The following MCPH1 variants were observed in gnomAD, a reference collection of about 807,000 sequenced individuals.
The protein encoded by MCPH1 is microcephalin.
A neutral mutation model predicts 84.5 loss-of-function variants in MCPH1; 104 were observed. The observed-to-expected ratio is 1.23, with a 90% CI of 1.05 to 1.45. The LOEUF is 1.45. Among genes scored for constraint, MCPH1 ranks in the 40% most tolerant of loss-of-function variants. The pLI is 0.00. For missense variants in MCPH1, 1,498 were observed against 1,005.7 expected, an observed-to-expected ratio of 1.49 and a Z score of -6.62; for synonymous variants, 514 against 366.8, an observed-to-expected ratio of 1.40 and a Z score of -4.58.
chr8:6,565,803 CAAAG>C (rs1477087798), intron 12 of MCPH1, among the ~76,000 whole-genome samples: 1 of 152,200 alleles, frequency 6.6e-6, no homozygotes, highest in Non-Finnish European at 1.5e-5. Context: ...AGTCGGAGCA[CAAAG>C]AAAGACAGTG....
At chr8:6,562,742 C>G in intron 12 of MCPH1, 1 of 1,613,846 alleles carries the variant, frequency 6.2e-7, no homozygotes, top group Non-Finnish European at 8.5e-7. Flanking sequence ...TCCCTCTGCA[C>G]AGCATTGGAC....
chr8:6,471,151 T>G (rs565631712), intron 9 of MCPH1, among the ~76,000 whole-genome samples: 1 of 152,284 alleles, frequency 6.6e-6, no homozygotes, highest in African/African-American at 2.4e-5. Context: ...TGCTCACCTG[T>G]AAGGCTGAGA....
chr8:6,556,619 AT>A (rs149416791), intron 12 of MCPH1, among the ~76,000 whole-genome samples: 19,990 of 149,800 alleles, frequency 0.13, 3,643 homozygotes, highest in African/African-American at 0.42. Context: ...GTCTTTTTTT[AT>A]TTTTTTTTCA....
intron 9 of MCPH1, among the ~76,000 whole-genome samples, chr8:6,457,286 G>C (rs1805788945): frequency 6.6e-6 from 1 of 151,680 alleles, no homozygotes; most frequent in African/African-American, 2.4e-5. Flanking sequence ...ATCACTCAAA[G>C]CAGGTTTTAA....
intron 8 of MCPH1, among the ~76,000 whole-genome samples, chr8:6,454,935 G>A (rs886305499): frequency 6.6e-6 from 1 of 152,162 alleles, no homozygotes; most frequent in Non-Finnish European, 1.5e-5. Flanking sequence ...GATTGTTACC[G>A]ACCATTGAAT....
chr8:6,639,094 G>A (rs757352084), intron 13 of MCPH1, among the ~76,000 whole-genome samples: 4 of 152,188 alleles, frequency 2.6e-5, no homozygotes, highest in African/African-American at 4.8e-5. Flanking sequence ...TTTAAAGATC[G>A]ATACTTCTGG....
chr8:6,462,399 A>T (rs1484837123), intron 9 of MCPH1, among the ~76,000 whole-genome samples: 1 of 152,252 alleles, frequency 6.6e-6, no homozygotes, highest in African/African-American at 2.4e-5. Context: ...TGAGTAAATA[A>T]GAGATGCATT....
chr8:6,491,811 A>T (rs1810627236), intron 11 of MCPH1, among the ~76,000 whole-genome samples: 1 of 152,118 alleles, frequency 6.6e-6, no homozygotes, highest in Non-Finnish European at 1.5e-5. Flanking sequence ...TGAACTCATC[A>T]TATTTTATGG....
intron 9 of MCPH1, 63 bp from the exon 10 acceptor site, chr8:6,477,531 T>C: frequency 6.9e-7 from 1 of 1,455,064 alleles, no homozygotes; most frequent in Non-Finnish European, 9.6e-7. Flanking sequence ...AGTTTATTTC[T>C]GTGGGAAAAA....
rs1012855511 is a variant in MCPH1 at position 6,550,738 on chromosome 8, C to T, written c.2214+50809C>T. Among the ~76,000 whole-genome samples, 7 of 152,102 alleles carry T rather than the reference C, an allele frequency of 4.6e-5. No homozygotes were observed. The East Asian group carries it at 5.8e-4, about 13-fold the overall frequency. On this transcript the variant is annotated intron_variant, in intron 12 of 13. Transcript: ENST00000344683. ...AGGAAGAAATTTTATCAGAGTTTTGCGGCCTGTGTACGTTCTGATACCTCT... is the reference window on the plus strand; with the variant it reads ...AGGAAGAAATTTTATCAGAGTTTTGTGGCCTGTGTACGTTCTGATACCTCT...
At chr8:6,640,505 T>G (rs1797872916) in intron 13 of MCPH1, among the ~76,000 whole-genome samples, 1 of 152,226 alleles carries the variant, frequency 6.6e-6, no homozygotes, top group South Asian at 2.1e-4. Context: ...ATTCGTGAAT[T>G]ACCTGTCCTG....
At chr8:6,576,047 T>TAAAAAAAAAAAAAAAA (rs1563147297) in intron 12 of MCPH1, among the ~76,000 whole-genome samples, 1 of 138,394 alleles carries the variant, frequency 7.2e-6, no homozygotes. Context: ...TAATACAGCC[T>TAAAAAAAAAAAAAAAA]TAAAAAAAAA....
intron 12 of MCPH1, among the ~76,000 whole-genome samples, chr8:6,538,127 C>G (rs952156648): frequency 6.6e-6 from 1 of 152,062 alleles, no homozygotes. Flanking sequence ...TCCCAATGAT[C>G]CATCCATCTT....
intron 12 of MCPH1, among the ~76,000 whole-genome samples, chr8:6,509,217 A>G (rs1814431915): frequency 6.6e-6 from 1 of 152,254 alleles, no homozygotes; most frequent in Non-Finnish European, 1.5e-5. Context: ...TTGCACTGGT[A>G]TAAACAGGAA....
chr8:6,499,065 AT>A (rs1210493647), intron 11 of MCPH1, among the ~76,000 whole-genome samples: 1 of 126,728 alleles, frequency 7.9e-6, no homozygotes, highest in African/African-American at 2.7e-5. Flanking sequence ...AAATAAATAA[AT>A]TAAATAAATA....
chr8:6,438,825 G>A (rs1803054886), intron 5 of MCPH1, 128 bp from the exon 6 acceptor site: 2 of 771,974 alleles, frequency 2.6e-6, no homozygotes, highest in African/African-American at 1.7e-5. Flanking sequence ...ATATTAGCAG[G>A]AGTAGGTAAT....
At chr8:6,638,582 A>G (rs1440647627) in intron 13 of MCPH1, among the ~76,000 whole-genome samples, 1 of 151,458 alleles carries the variant, frequency 6.6e-6, no homozygotes, top group Non-Finnish European at 1.5e-5. Context: ...TACATTTAAA[A>G]AAAAAAAAAA....
At chr8:6,558,257 A>G (rs574097282) in intron 12 of MCPH1, among the ~76,000 whole-genome samples, 4 of 152,360 alleles carry the variant, frequency 2.6e-5, no homozygotes, top group Admixed American at 2.6e-4. Context: ...CTAATCTCCA[A>G]GAAAGGGATG....
rs530304562 is a variant in MCPH1, at chr8:6,416,031, C to G, written c.233+1148C>G. 9.2e-5 allele frequency among the ~76,000 whole-genome samples: 14 copies of G among 152,158 alleles called. No homozygotes were observed. The South Asian group carries it at 1.7e-3, about 18-fold the overall frequency. The stretch of plus-strand genomic sequence containing the variant: ...TTTTACCCCCTAGGTTAAATTTATT[C>G]CTAACTTTTTTGTTCATTTTCATGT... On this transcript the variant is annotated intron_variant, in intron 3 of 13. Coordinates refer to ENST00000344683, the MANE Select transcript of MCPH1 (RefSeq NM_024596.5).
Sources: allele counts gnomAD v4.1 joint callset (sites outside exome capture counted in the v4.1 genomes callset), GRCh38; gene constraint gnomAD v4.1.1; transcripts MANE v1.5; gene names NCBI Gene and HGNC (gene_info 2026-07-23, HGNC 2026-07-21).